Variants in ZBBX observed in about 807,000 individuals in gnomAD.
ZBBX encodes zinc finger B-box domain-containing protein 1.
A neutral mutation model predicts 108.5 loss-of-function variants in ZBBX; 101 were observed. The ratio of observed to expected loss-of-function variants is 0.93; its 90% CI spans 0.79 to 1.10. The LOEUF is 1.10. Ranked by LOEUF, ZBBX falls within the 50% of genes least tolerant of loss-of-function variation. ZBBX has a pLI of 0.00. For synonymous variants in ZBBX, 356 were observed against 323.4 expected, an observed-to-expected ratio of 1.10 and a Z score of -1.08; for missense variants, 1,009 against 941.4, an observed-to-expected ratio of 1.07 and a Z score of -0.94.
At chr3:167,348,744 C>A (rs1156298284) in intron 9 of ZBBX, among the ~76,000 whole-genome samples, 1 of 151,732 alleles carries the variant, frequency 6.6e-6, no homozygotes, top group African/African-American at 2.4e-5. Context: ...AGTAAACATA[C>A]TATATATATA....
At chr3:167,323,358 C>G (rs751884849) in intron 11 of ZBBX, among the ~76,000 whole-genome samples, 1 of 151,870 alleles carries the variant, frequency 6.6e-6, no homozygotes, top group Admixed American at 6.6e-5. Flanking sequence ...GATAAAGCAG[C>G]TGGCCCGTGA....
At chr3:167,186,318 G>C in the ZBBX span, among the ~76,000 whole-genome samples, 1 of 151,902 alleles carries the variant, frequency 6.6e-6, no homozygotes, top group Non-Finnish European at 1.5e-5. Flanking sequence ...AATGAAACTA[G>C]GGACCAAGAG....
chr3:167,289,446 A>G (rs1188929729), intron 18 of ZBBX, among the ~76,000 whole-genome samples: 2 of 152,200 alleles, frequency 1.3e-5, no homozygotes, highest in Non-Finnish European at 2.9e-5. Flanking sequence ...CTGGTTGTAC[A>G]GTGGGTGCAG....
chr3:167,292,771 T>C (rs1730932734), intron 18 of ZBBX, among the ~76,000 whole-genome samples: 1 of 152,162 alleles, frequency 6.6e-6, no homozygotes, highest in South Asian at 2.1e-4. Context: ...AGCTGTTTAT[T>C]TGAAAAGACC....
intron 18 of ZBBX, among the ~76,000 whole-genome samples, chr3:167,297,830 T>A (rs1731934602): frequency 6.6e-6 from 1 of 151,872 alleles, no homozygotes; most frequent in South Asian, 2.1e-4. Flanking sequence ...TAAGCTACAA[T>A]ATTGTACCAC....
chr3:167,189,266 T>C, the ZBBX span, among the ~76,000 whole-genome samples: 1 of 152,070 alleles, frequency 6.6e-6, no homozygotes, highest in African/African-American at 2.4e-5. Context: ...AGAAAATATA[T>C]CCCTGTTATC....
chr3:167,358,062 A>G (rs960812808), intron 8 of ZBBX, among the ~76,000 whole-genome samples: 1 of 152,066 alleles, frequency 6.6e-6, no homozygotes, highest in African/African-American at 2.4e-5. Flanking sequence ...GATATACCTA[A>G]TGCTAAATGA....
intron 17 of ZBBX, among the ~76,000 whole-genome samples, chr3:167,298,726 CCTTT>C (rs1732094102): frequency 6.6e-6 from 1 of 151,960 alleles, no homozygotes; most frequent in Non-Finnish European, 1.5e-5. Context: ...TCTCTTTCTT[CCTTT>C]ATTTTCATCC....
At chr3:167,197,303 C>T in the ZBBX span, among the ~76,000 whole-genome samples, 2 of 137,614 alleles carry the variant, frequency 1.5e-5, no homozygotes, top group Admixed American at 1.4e-4. Context: ...CTTTGGGAGG[C>T]TGAGGCGGGC....
intron 4 of ZBBX, 42 bp downstream of exon 4, chr3:167,372,792 T>A (rs779587605): frequency 9.8e-7 from 1 of 1,024,110 alleles, no homozygotes; most frequent in Admixed American, 2.3e-5. Context: ...TACAGAAGCT[T>A]TGCAACTATT....
intron 9 of ZBBX, among the ~76,000 whole-genome samples, chr3:167,338,147 T>C (rs1422658424): frequency 6.6e-6 from 1 of 152,170 alleles, no homozygotes; most frequent in Non-Finnish European, 1.5e-5. Context: ...CTGCCAGCAT[T>C]TCCAGATTCC....
chr3:167,388,958 T>C (rs1237167151), intron 1 of ZBBX, among the ~76,000 whole-genome samples: 1 of 151,916 alleles, frequency 6.6e-6, no homozygotes, highest in Middle Eastern at 3.2e-3. Context: ...GAATTACCTC[T>C]TTTCTTTTCT....
chr3:167,228,671 C>T, the ZBBX span, among the ~76,000 whole-genome samples: 1 of 151,802 alleles, frequency 6.6e-6, no homozygotes, highest in Admixed American at 6.6e-5. Context: ...AAGTATTTAT[C>T]TGTGTTGAAT....
chr3:167,384,827 T>C (rs1747858016), upstream of ZBBX, among the ~76,000 whole-genome samples: 1 of 152,062 alleles, frequency 6.6e-6, no homozygotes, highest in African/African-American at 2.4e-5. Context: ...TTCTCAGTGT[T>C]CTCATGCATT....
At position 167,240,856 on chromosome 3, in the gene ZBBX, C is replaced by T; in HGVS notation, c.2457G>A (p.Glu819=). 2 of 1,613,626 alleles carry T rather than the reference C, an allele frequency of 1.2e-6. No homozygotes were observed. The highest frequency in any genetic ancestry group is 1.3e-5 in the African/African-American group (1 of 75,022). Residue 819 remains glutamate, a synonymous_variant, in exon 22 of 22, where the codon GAG becomes GAA. Transcript: ENST00000675490. ...GCTTGTTGAGAAAATCTTCCTCCTC[C>T]TCATCTGTACTGCTCTCAGAAAGTG... ...LLSLSESSTD[E]EEEDFLNKQH...
intron 1 of ZBBX, among the ~76,000 whole-genome samples, chr3:167,400,934 G>A (rs1748406248): frequency 6.6e-6 from 1 of 152,098 alleles, no homozygotes; most frequent in African/African-American, 2.4e-5. Context: ...GGGTGACTTC[G>A]AATAGAATGG....
Position 167,282,464 on chromosome 3 carries a change from A to G in ZBBX, c.2028T>C (p.Asn676=), listed in dbSNP as rs1208767884. ...GQKSQRPSTA[N]FPLSNSVKES... is the part of the protein sequence containing the mutation. ...CTTTAACAGAGTTGGAAAGTGGAAA[A>G]TTTGCTGTTGAAGGTCTCTGTGATT... The change falls in exon 20 of 22, where the codon AAT becomes AAC. Residue 676 remains asparagine, a synonymous_variant. Coordinates refer to ENST00000675490, the MANE Select transcript of ZBBX (RefSeq NM_001199201.2). 3.1e-6 allele frequency: 5 copies of G among 1,613,222 alleles called. No homozygotes were observed. Among genetic ancestry groups the G allele is most frequent in the Non-Finnish European group, 4.2e-6 (5 of 1,179,604 alleles).
chr3:167,374,995 G>A (rs1746722631), intron 2 of ZBBX, among the ~76,000 whole-genome samples: 1 of 152,196 alleles, frequency 6.6e-6, no homozygotes, highest in Admixed American at 6.5e-5. Context: ...TATAGTGGCT[G>A]AGGCCCAATA....
chr3:167,314,057 T>G lies in ZBBX; in HGVS notation c.1334A>C (p.His445Pro). 2 of 1,606,948 alleles carry G rather than the reference T, an allele frequency of 1.2e-6. No individual in the cohort carries two copies. The highest frequency in any genetic ancestry group is 2.2e-5 in the South Asian group (2 of 89,750). Residue 445 changes from histidine (H) to proline (P), a missense_variant, in exon 16 of 22, where the codon CAT (histidine) becomes CCT (proline). Transcript: ENST00000675490. ...SFPYENGIHQ[H>P]HVFDKGKRDF... ...TCTCTTTCCCTTATCGAAAACATGA[T>G]GTTGATGGATGCCATTTTCATATGG...
Sources: gnomAD v4.1 joint callset for allele counts (sites outside exome capture counted in the v4.1 genomes callset) on GRCh38, gnomAD v4.1.1 for gene constraint, MANE v1.5 for transcripts, NCBI Gene and HGNC (gene_info 2026-07-23, HGNC 2026-07-21) for gene names.